The following SWAP70 variants were observed in gnomAD, a reference collection of about 807,000 sequenced individuals.
The protein encoded by SWAP70 is switch-associated protein 70.
Under a neutral mutation model 80.2 loss-of-function variants are expected in SWAP70, and 34 were observed. The ratio of observed to expected loss-of-function variants is 0.42; its 90% confidence interval spans 0.32 to 0.56. The LOEUF is 0.56. Ranked by LOEUF, SWAP70 falls within the 20% of genes least tolerant of loss-of-function variation. SWAP70 has a pLI of 0.09. For missense variants in SWAP70, 578 were observed against 690.7 expected, an observed-to-expected ratio of 0.84 and a Z score of 1.83; for synonymous variants, 239 against 238.5, an observed-to-expected ratio of 1.00 and a Z score of -0.02.
intron 1 of SWAP70, among the ~76,000 whole-genome samples, chr11:9,692,677 A>T (rs1169692822): frequency 6.6e-6 from 1 of 152,152 alleles, no homozygotes; most frequent in East Asian, 1.9e-4. Context: ...AGCATTTTAC[A>T]GTTATTAAGC....
chr11:9,712,058 G>A (rs1851005471), intron 2 of SWAP70, among the ~76,000 whole-genome samples: 1 of 152,086 alleles, frequency 6.6e-6, no homozygotes, highest in Non-Finnish European at 1.5e-5. Context: ...TGAGAACTCA[G>A]CTCTGTTGTC....
chr11:9,742,462 G>A (rs994998052), intron 9 of SWAP70, among the ~76,000 whole-genome samples: 6 of 151,718 alleles, frequency 4.0e-5, no homozygotes, highest in East Asian at 3.9e-4. Flanking sequence ...TCAGCCTCCC[G>A]AGTAGCTGGG....
At chr11:9,708,807 T>C (rs1440676093) in intron 2 of SWAP70, among the ~76,000 whole-genome samples, 1 of 152,110 alleles carries the variant, frequency 6.6e-6, no homozygotes, top group African/African-American at 2.4e-5. Flanking sequence ...GCCTTGGAAA[T>C]GTTCTGCATA....
At chr11:9,744,376 A>T (rs1052411187) in intron 9 of SWAP70, among the ~76,000 whole-genome samples, 1 of 152,216 alleles carries the variant, frequency 6.6e-6, no homozygotes, top group Non-Finnish European at 1.5e-5. Flanking sequence ...ATACAGGCAT[A>T]CAATGTGTAA....
intron 1 of SWAP70, among the ~76,000 whole-genome samples, chr11:9,685,075 T>A (rs1850614560): frequency 6.6e-6 from 1 of 151,868 alleles, no homozygotes; most frequent in South Asian, 2.1e-4. Context: ...CTCAGGAGGC[T>A]GTCCCAAATT....
intron 6 of SWAP70, 24 bp from the exon 7 acceptor site, chr11:9,732,505 T>A: frequency 6.3e-7 from 1 of 1,585,798 alleles, no homozygotes; most frequent in Non-Finnish European, 8.6e-7. Context: ...CCCCATTTTT[T>A]TTTTCCTCCT....
intron 4 of SWAP70, among the ~76,000 whole-genome samples, chr11:9,727,113 G>A (rs778128628): frequency 1.3e-5 from 2 of 152,166 alleles, no homozygotes; most frequent in Non-Finnish European, 2.9e-5. Flanking sequence ...AATTTTGGCT[G>A]GACGTGGTGG....
chr11:9,674,116 G>T (rs1488442241), intron 1 of SWAP70, among the ~76,000 whole-genome samples: 2 of 152,030 alleles, frequency 1.3e-5, no homozygotes, highest in Non-Finnish European at 2.9e-5. Flanking sequence ...GGCCAGGCTG[G>T]TCTCAAACTC....
In SWAP70 at chr11:9,747,872, A is replaced by G; in HGVS notation, c.1370A>G (p.Glu457Gly). The stretch of plus-strand genomic sequence containing the variant: ...CCACATTGTAGGTTGTTGGAGGAAG[A>G]GTCTTCCAAGAGGGCTGAACTAGAA... ...RKLQARLLEEESSKRAELEKW... is the reference protein window; with the variant it reads ...RKLQARLLEEGSSKRAELEKW... The change falls in exon 10 of 12, where the codon GAG (glutamate) becomes GGG (glycine). Residue 457 changes from glutamate to glycine, a missense_variant. By Grantham distance (98) the Glu-to-Gly change is moderately conservative. Coordinates refer to ENST00000318950, the MANE Select transcript of SWAP70 (RefSeq NM_015055.4). The G allele has an allele frequency of 1.2e-6, 2 of 1,614,178 alleles. No individual in the cohort carries two copies. The highest frequency in any genetic ancestry group is 1.7e-6 in the Non-Finnish European group (2 of 1,180,020).
chr11:9,727,469 C>T (rs770171858), intron 4 of SWAP70, among the ~76,000 whole-genome samples: 2 of 152,326 alleles, frequency 1.3e-5, no homozygotes, highest in East Asian at 3.9e-4. Context: ...AAGCGATCCT[C>T]CTGCCTTGGC....
intron 1 of SWAP70, among the ~76,000 whole-genome samples, chr11:9,681,498 G>A (rs148141972): frequency 6.6e-6 from 1 of 152,344 alleles, no homozygotes; most frequent in African/African-American, 2.4e-5. Flanking sequence ...ATATGGCAGA[G>A]ATACGGTTTT....
At chr11:9,668,402 C>T (rs189362125) in intron 1 of SWAP70, among the ~76,000 whole-genome samples, 4 of 152,278 alleles carry the variant, frequency 2.6e-5, no homozygotes, top group East Asian at 1.9e-4. Flanking sequence ...TGTATTTTGT[C>T]TCTCTCTTGT....
chr11:9,746,220 G>A (rs1043150719), intron 9 of SWAP70, among the ~76,000 whole-genome samples: 2 of 152,202 alleles, frequency 1.3e-5, no homozygotes, highest in African/African-American at 4.8e-5. Context: ...GGGAGGGCAG[G>A]TGTCTGGCCT....
chr11:9,664,459 C>G (rs555042954), intron 1 of SWAP70, among the ~76,000 whole-genome samples, 181 bp downstream of exon 1: 201 of 152,362 alleles, frequency 1.3e-3, no homozygotes, highest in African/African-American at 4.4e-3. Context: ...CTGCCTCCCC[C>G]TTGCCTTCGG....
chr11:9,686,408 T>G (rs1850633607), intron 1 of SWAP70, among the ~76,000 whole-genome samples: 1 of 151,464 alleles, frequency 6.6e-6, no homozygotes, highest in Non-Finnish European at 1.5e-5. Context: ...TTGCCAGAGC[T>G]GGAGTACAGC....
chr11:9,723,348 T>C (rs1383058404), intron 3 of SWAP70, among the ~76,000 whole-genome samples: 1 of 152,204 alleles, frequency 6.6e-6, no homozygotes, highest in East Asian at 1.9e-4. Context: ...GCAAAACTTA[T>C]CACAAAACAC....
At chr11:9,742,520 A>G (rs2133817463) in intron 9 of SWAP70, among the ~76,000 whole-genome samples, 1 of 152,186 alleles carries the variant, frequency 6.6e-6, no homozygotes, top group South Asian at 2.1e-4. Context: ...TATTTTTAGT[A>G]GAGATGGGGT....
chr11:9,706,934 G>T (rs1850923224), intron 2 of SWAP70, among the ~76,000 whole-genome samples: 2 of 151,184 alleles, frequency 1.3e-5, no homozygotes, highest in Admixed American at 6.6e-5. Context: ...ATCTCCTACA[G>T]GAAGGAAGCA....
chr11:9,675,009 A>G (rs547457000), intron 1 of SWAP70, among the ~76,000 whole-genome samples: 77 of 150,666 alleles, frequency 5.1e-4, no homozygotes, highest in African/African-American at 1.8e-3. Context: ...AATAGAAGCC[A>G]CTCCTAGGCC....
Sources: allele counts gnomAD v4.1 joint callset (sites outside exome capture counted in the v4.1 genomes callset), GRCh38; gene constraint gnomAD v4.1.1; transcripts MANE v1.5; gene names NCBI Gene and HGNC (gene_info 2026-07-23, HGNC 2026-07-21).